The following DOCK3 variants were observed in gnomAD, a reference collection of about 807,000 sequenced individuals.
DOCK3 encodes dedicator of cytokinesis 3.
A neutral mutation model predicts 265.6 loss-of-function variants in DOCK3; 60 were observed. The observed-to-expected ratio is 0.23, with a 90% CI of 0.18 to 0.28. The LOEUF (loss-of-function observed/expected upper bound fraction) is 0.28. Ranked by LOEUF, DOCK3 falls within the 10% of genes least tolerant of loss-of-function variation. The probability of loss-of-function intolerance (pLI) is 1.00; values close to 1 mark genes in which losing one functional copy is unlikely to be tolerated. For missense variants in DOCK3, 1,981 were observed against 2,594.3 expected (o/e 0.76, Z 5.14); for synonymous variants, 881 against 938.0 (o/e 0.94, Z 1.11).
intron 5 of DOCK3, among the ~76,000 whole-genome samples, chr3:51,008,625 C>T (rs895487832): frequency 2.0e-5 from 3 of 152,208 alleles, no homozygotes; most frequent in African/African-American, 4.8e-5. Flanking sequence ...TTATTTCTTT[C>T]TCTTGCCTGA....
chr3:51,258,212 CAAAA>C (rs749789694), intron 22 of DOCK3, among the ~76,000 whole-genome samples: 56 of 152,098 alleles, frequency 3.7e-4, no homozygotes, highest in Non-Finnish European at 7.1e-4. Flanking sequence ...AAAAACCAAA[CAAAA>C]AAACTTTTTA....
intron 23 of DOCK3, among the ~76,000 whole-genome samples, chr3:51,269,363 A>G (rs2080377347): frequency 6.6e-6 from 1 of 152,092 alleles, no homozygotes; most frequent in Non-Finnish European, 1.5e-5. Flanking sequence ...GTTATTGATT[A>G]TAAAGCACCT....
In DOCK3 at chr3:51,380,279, G is replaced by A; in HGVS notation, c.5583+72G>A. 4.9e-6 allele frequency: 7 copies of A among 1,423,394 alleles called. 1 individual carries two copies. In the South Asian group the frequency reaches 9.0e-5, roughly 18 times the overall value. The allele number at this position is 1,423,394 out of a possible 1,614,324, so 88.2% of individuals were successfully genotyped here. A position where few individuals can be genotyped will look rare whatever the true frequency, so the allele number is the denominator to read the frequency against. On this transcript the variant is annotated intron_variant, in intron 52 of 52. Coordinates refer to ENST00000266037, the MANE Select transcript of DOCK3 (RefSeq NM_004947.5). ...CTCGTCTGCTCTAGAACCACCCTTG[G>A]GGTCTACAGGAGGAACTGGAGCCCT...
At chr3:51,105,448 GACAA>G (rs1482223796) in intron 9 of DOCK3, among the ~76,000 whole-genome samples, 2 of 152,068 alleles carry the variant, frequency 1.3e-5, no homozygotes, top group Admixed American at 6.5e-5. Flanking sequence ...CCATAAAAAA[GACAA>G]ACAAGAATGT....
intron 23 of DOCK3, among the ~76,000 whole-genome samples, chr3:51,267,466 C>T (rs1371245479): frequency 1.3e-5 from 2 of 151,296 alleles, no homozygotes; most frequent in Non-Finnish European, 2.9e-5. Flanking sequence ...CTCACTGCGA[C>T]CTCCACCTCC....
At chr3:51,074,559 G>A (rs1382430787) in intron 6 of DOCK3, among the ~76,000 whole-genome samples, 1 of 151,968 alleles carries the variant, frequency 6.6e-6, no homozygotes, top group Non-Finnish European at 1.5e-5. Context: ...ACATATCTAG[G>A]TCTTTACCAG....
chr3:51,150,732 T>C (rs1415615706), intron 10 of DOCK3, among the ~76,000 whole-genome samples: 1 of 152,230 alleles, frequency 6.6e-6, no homozygotes, highest in Non-Finnish European at 1.5e-5. Flanking sequence ...TCTTTTACAT[T>C]TGCTGAGGAG....
chr3:51,049,062 C>T (rs1575881049), intron 5 of DOCK3, among the ~76,000 whole-genome samples: 2 of 152,214 alleles, frequency 1.3e-5, no homozygotes, highest in South Asian at 4.1e-4. Context: ...CGCTGTGGCT[C>T]ACGCCTGTAA....
At chr3:51,053,582 C>A (rs1344012575) in intron 5 of DOCK3, among the ~76,000 whole-genome samples, 2 of 151,786 alleles carry the variant, frequency 1.3e-5, no homozygotes, top group Admixed American at 6.6e-5. Flanking sequence ...CCACCATGCC[C>A]GGCTAATTTT....
rs114016842 is a variant in DOCK3, at chr3:51,032,069, A to G, written c.316-32379A>G. Among the ~76,000 whole-genome samples the G allele has an allele frequency of 1.7e-3, 265 of 152,164 alleles. 2 individuals carry two copies. The highest frequency in any genetic ancestry group is 6.0e-3 in the African/African-American group (251 of 41,516). ...ATGAAACTAAGACACCACCTTCCAC[A>G]TAGACATCAGTTTAAGATATTCTTG... On this transcript the variant is annotated intron_variant, in intron 5 of 52. Coordinates refer to ENST00000266037, the MANE Select transcript of DOCK3 (RefSeq NM_004947.5).
intron 5 of DOCK3, among the ~76,000 whole-genome samples, chr3:50,988,507 CCAGCA>C (rs1001049441): frequency 4.6e-5 from 7 of 152,168 alleles, no homozygotes; most frequent in African/African-American, 1.7e-4. Flanking sequence ...AAGTGGATGC[CCAGCA>C]CAGCACAGCT....
At chr3:50,850,214 A>G (rs2046295561) in intron 3 of DOCK3, among the ~76,000 whole-genome samples, 1 of 151,768 alleles carries the variant, frequency 6.6e-6, no homozygotes, top group African/African-American at 2.4e-5. Context: ...AACAGAAATT[A>G]GTCGGCATGG....
At position 51,361,610 on chromosome 3, in the gene DOCK3, C is replaced by A. The variant is rs2086736872; in HGVS notation, c.5007-249C>A. 6.6e-6 allele frequency among the ~76,000 whole-genome samples: 1 copy of A among 152,140 alleles called. No homozygotes were observed. The highest frequency in any genetic ancestry group is 2.4e-5 in the African/African-American group (1 of 41,418). ...TGTCATGCAACTGAGTGGCCATAAG[C>A]CATGTAGCTGTAGGTAGAGGCTTGT... On this transcript the variant is annotated intron_variant, in intron 47 of 52. Coordinates refer to ENST00000266037, the MANE Select transcript of DOCK3 (RefSeq NM_004947.5). The surrounding 1 kb of genome is among the most constrained non-coding windows in gnomAD (Gnocchi z 4.2).
chr3:50,844,382 AT>A (rs909819467), intron 3 of DOCK3, among the ~76,000 whole-genome samples: 7 of 149,744 alleles, frequency 4.7e-5, no homozygotes, highest in East Asian at 2.0e-4. Context: ...CACCTGGCTA[AT>A]TTTTTTTTTC....
At chr3:51,071,949 A>G (rs1299618830) in intron 6 of DOCK3, among the ~76,000 whole-genome samples, 3 of 152,214 alleles carry the variant, frequency 2.0e-5, no homozygotes, top group African/African-American at 7.2e-5. Flanking sequence ...TATCCATTAA[A>G]GATAGTCTTA....
rs78831030 is a variant in DOCK3, at chr3:50,930,706, G to A, written c.219-3275G>A. Among the ~76,000 whole-genome samples the A allele has an allele frequency of 6.6e-3, 998 of 152,314 alleles. 3 individuals are homozygous for A. Among genetic ancestry groups the A allele is most frequent in the Non-Finnish European group, 0.011 (727 of 68,016 alleles). ...CCTCTGGGAGTGGATCACAGGCCTC[G>A]GGCCGGCAATTGGGAGTGATACTGT... On this transcript the variant is annotated intron_variant, in intron 4 of 52. Transcript: ENST00000266037.
chr3:51,267,798 A>G (rs1464568732), intron 23 of DOCK3, among the ~76,000 whole-genome samples: 1 of 152,236 alleles, frequency 6.6e-6, no homozygotes, highest in Non-Finnish European at 1.5e-5. Flanking sequence ...ACACCATGGA[A>G]TACTATGCAG....
chr3:51,315,248 A>G, intron 32 of DOCK3, 120 bp downstream of exon 32: 4 of 1,280,430 alleles, frequency 3.1e-6, no homozygotes, highest in Non-Finnish European at 4.1e-6. Context: ...GCTAATTTGA[A>G]TCCTGTTCAA....
chr3:50,937,554 G>A (rs972297252), intron 5 of DOCK3, among the ~76,000 whole-genome samples: 1 of 151,982 alleles, frequency 6.6e-6, no homozygotes, highest in Non-Finnish European at 1.5e-5. Context: ...TACTCGAGAG[G>A]CTGAGGCAGG....
Sources: gnomAD v4.1 joint callset for allele counts (sites outside exome capture counted in the v4.1 genomes callset) on GRCh38, gnomAD v4.1.1 for gene constraint, Gnocchi (gnomAD v3.1) non-coding constraint, MANE v1.5 for transcripts, NCBI Gene and HGNC (gene_info 2026-07-23, HGNC 2026-07-21) for gene names.